Variants in NKAIN2 observed in about 807,000 individuals in gnomAD.
NKAIN2 encodes sodium/potassium transporting ATPase interacting 2, also known as sodium/potassium-transporting ATPase subunit beta-1-interacting protein 2.
NKAIN2 carries 14 observed loss-of-function variants against 32.6 expected under a neutral mutation model. The ratio of observed to expected loss-of-function variants is 0.43; its 90% CI spans 0.28 to 0.67. The LOEUF is 0.67. Ranked by LOEUF, NKAIN2 falls within the 30% of genes least tolerant of loss-of-function variation. NKAIN2 has a pLI of 0.17. For missense variants in NKAIN2, 198 were observed against 258.3 expected (o/e 0.77, Z 1.60); for synonymous variants, 80 against 87.2 (o/e 0.92, Z 0.46).
At chr6:124,260,690 G>A (rs891351917) in intron 1 of NKAIN2, among the ~76,000 whole-genome samples, 2 of 152,028 alleles carry the variant, frequency 1.3e-5, no homozygotes, top group African/African-American at 4.8e-5. Flanking sequence ...TTAGCAGAGG[G>A]GTGACATGAT....
chr6:124,415,091 G>A (rs757115420), intron 3 of NKAIN2, among the ~76,000 whole-genome samples: 8 of 152,130 alleles, frequency 5.3e-5, no homozygotes, highest in Non-Finnish European at 1.0e-4. Flanking sequence ...AATGCATTCT[G>A]CAGCAGACAA....
chr6:124,609,825 G>A (rs558467813), intron 3 of NKAIN2, among the ~76,000 whole-genome samples: 3 of 152,184 alleles, frequency 2.0e-5, no homozygotes, highest in Non-Finnish European at 2.9e-5. Context: ...CTACGACGCC[G>A]GGGCCAGACT....
At chr6:124,290,963 T>C (rs1053201574) in intron 2 of NKAIN2, among the ~76,000 whole-genome samples, 13 of 152,270 alleles carry the variant, frequency 8.5e-5, no homozygotes, top group African/African-American at 2.9e-4. Context: ...AGCCCTATTA[T>C]ACATCTATCT....
At chr6:124,740,275 T>G (rs9388371) in intron 4 of NKAIN2, among the ~76,000 whole-genome samples, 90,513 of 151,478 alleles carry the variant, frequency 0.6, 27,417 homozygotes, top group East Asian at 0.72. Flanking sequence ...CCCCAGATAA[T>G]TTATGTATGT....
At chr6:124,789,924 T>C (rs1349753435) in intron 4 of NKAIN2, among the ~76,000 whole-genome samples, 1 of 152,038 alleles carries the variant, frequency 6.6e-6, no homozygotes, top group Non-Finnish European at 1.5e-5. Flanking sequence ...TGTGTACTGG[T>C]ACAGATACTA....
At chr6:124,690,778 C>G (rs1166247504) in intron 4 of NKAIN2, among the ~76,000 whole-genome samples, 2 of 152,174 alleles carry the variant, frequency 1.3e-5, no homozygotes, top group African/African-American at 2.4e-5. Flanking sequence ...AATAGCATAG[C>G]AGCTTTCTCC....
intron 1 of NKAIN2, among the ~76,000 whole-genome samples, chr6:124,193,412 T>C (rs1582824459): frequency 6.6e-6 from 1 of 152,172 alleles, no homozygotes. Flanking sequence ...TCCCTGCAAG[T>C]GTGCAGCTGC....
intron 1 of NKAIN2, among the ~76,000 whole-genome samples, chr6:123,959,638 C>A (rs1335178002): frequency 1.3e-5 from 2 of 152,084 alleles, no homozygotes; most frequent in African/African-American, 4.8e-5. Flanking sequence ...CTGTTAGCAT[C>A]ATGCATAGAG....
intron 1 of NKAIN2, among the ~76,000 whole-genome samples, chr6:124,022,783 C>T (rs1157285412): frequency 6.6e-6 from 1 of 152,058 alleles, no homozygotes; most frequent in Non-Finnish European, 1.5e-5. Context: ...GCTAATTTGC[C>T]CATCCTTTCT....
intron 3 of NKAIN2, among the ~76,000 whole-genome samples, chr6:124,497,755 C>G (rs1282916972): frequency 7.1e-6 from 1 of 141,498 alleles, no homozygotes; most frequent in East Asian, 2.1e-4. Context: ...AGTTGTCAGG[C>G]AGATTTTAAT....
At chr6:124,765,714 C>G (rs565974322) in intron 4 of NKAIN2, among the ~76,000 whole-genome samples, 103 of 152,282 alleles carry the variant, frequency 6.8e-4, no homozygotes, top group Non-Finnish European at 4.9e-4. Flanking sequence ...TGCAGAAGTT[C>G]CTTCTATTGT....
intron 1 of NKAIN2, among the ~76,000 whole-genome samples, chr6:124,277,889 AC>A (rs1359913393): frequency 6.6e-6 from 1 of 151,496 alleles, no homozygotes; most frequent in African/African-American, 2.4e-5. Flanking sequence ...TAAAAAAAAA[AC>A]TCTGTTTCAT....
At chr6:124,691,864 T>A (rs957597468) in intron 4 of NKAIN2, among the ~76,000 whole-genome samples, 4 of 152,164 alleles carry the variant, frequency 2.6e-5, no homozygotes, top group African/African-American at 9.7e-5. Flanking sequence ...TAAACTGAAA[T>A]ATACTTTACA....
chr6:124,565,910 A>T (rs1388896739), intron 3 of NKAIN2, among the ~76,000 whole-genome samples: 2 of 152,180 alleles, frequency 1.3e-5, no homozygotes, highest in Non-Finnish European at 2.9e-5. Context: ...TCTCTTTCAC[A>T]TTCCTCATGA....
At chr6:124,332,841 G>GA (rs1335750314) in intron 2 of NKAIN2, among the ~76,000 whole-genome samples, 1 of 151,954 alleles carries the variant, frequency 6.6e-6, no homozygotes, top group Non-Finnish European at 1.5e-5. Flanking sequence ...TACTTCTCCA[G>GA]AAAAAAATAA....
intron 3 of NKAIN2, among the ~76,000 whole-genome samples, chr6:124,577,981 G>A (rs1210541661): frequency 6.6e-6 from 1 of 152,300 alleles, no homozygotes; most frequent in Non-Finnish European, 1.5e-5. Flanking sequence ...CTGCTATCTT[G>A]AAGTAAAGTA....
intron 1 of NKAIN2, among the ~76,000 whole-genome samples, chr6:124,218,041 GA>G (rs1202852574): frequency 6.6e-6 from 1 of 151,130 alleles, no homozygotes; most frequent in Admixed American, 6.6e-5. Context: ...GTAACAAAAG[GA>G]AAAAGAGGAA....
At chr6:124,345,314 C>G (rs894394406) in intron 2 of NKAIN2, among the ~76,000 whole-genome samples, 9 of 152,122 alleles carry the variant, frequency 5.9e-5, no homozygotes, top group African/African-American at 2.2e-4. Context: ...TGTGTCTCTG[C>G]CAGTCTTTGG....
At chr6:124,538,050 A>C (rs917522943) in intron 3 of NKAIN2, among the ~76,000 whole-genome samples, 3 of 152,078 alleles carry the variant, frequency 2.0e-5, no homozygotes, top group African/African-American at 7.2e-5. Context: ...AGCCTAATCC[A>C]ATTATTCATT....
Sources: allele counts gnomAD v4.1 joint callset (sites outside exome capture counted in the v4.1 genomes callset), GRCh38; gene constraint gnomAD v4.1.1; transcripts MANE v1.5; gene names NCBI Gene and HGNC (gene_info 2026-07-23, HGNC 2026-07-21).